Variants in GLB1 observed in about 807,000 individuals in gnomAD.
The protein encoded by GLB1 is beta-galactosidase.
A neutral mutation model predicts 74.0 loss-of-function variants in GLB1; 56 were observed. The ratio of observed to expected loss-of-function variants is 0.76; its 90% CI spans 0.61 to 0.94. The LOEUF (loss-of-function observed/expected upper bound fraction) is 0.94. GLB1 is among the 40% of genes least tolerant of loss of function. The pLI is 0.00. For missense variants in GLB1, 787 were observed against 845.5 expected (o/e 0.93, Z 0.86); for synonymous variants, 323 against 323.6 (o/e 1.00, Z 0.02).
chr3:32,989,029 C>A, the GLB1 span, among the ~76,000 whole-genome samples: 1 of 152,150 alleles, frequency 6.6e-6, no homozygotes, highest in African/African-American at 2.4e-5. Context: ...GCACAGTGAC[C>A]TCTGGTCCAC....
At chr3:33,085,529 C>T (rs1700476913) in intron 1 of GLB1, among the ~76,000 whole-genome samples, 1 of 151,534 alleles carries the variant, frequency 6.6e-6, no homozygotes. Context: ...CTAGCAATAC[C>T]CAAAGACACA....
chr3:33,058,771 G>A (rs1699325023), intron 5 of GLB1, among the ~76,000 whole-genome samples: 1 of 152,082 alleles, frequency 6.6e-6, no homozygotes, highest in Non-Finnish European at 1.5e-5. Context: ...CTCAAAACTG[G>A]CATATTATAT....
chr3:33,006,873 G>T lies in GLB1; in HGVS notation c.1734+7183C>A, dbSNP rs541229392. ...GCCTCTCCTGATGAAGGATGTGGGGGTTAGTGCACAGCCTTAGAAACAGCT... is the reference window on the plus strand; with the variant it reads ...GCCTCTCCTGATGAAGGATGTGGGGTTTAGTGCACAGCCTTAGAAACAGCT... On this transcript the variant is annotated intron_variant, in intron 15 of 15. Transcript: ENST00000307363. Among the ~76,000 whole-genome samples the T allele has an allele frequency of 2.0e-5, 3 of 152,304 alleles. No individual in the cohort carries two copies. In the South Asian group the frequency reaches 6.2e-4, roughly 32 times the overall value.
intron 1 of GLB1, among the ~76,000 whole-genome samples, chr3:33,094,948 C>T (rs1055656426): frequency 2.6e-5 from 4 of 152,108 alleles, no homozygotes; most frequent in Non-Finnish European, 2.9e-5. Context: ...CAGTGGCTGA[C>T]GCCTATAATT....
Position 33,065,477 on chromosome 3 carries a change from C to T in GLB1, c.538G>A (p.Val180Ile), listed in dbSNP as rs1056892693. The change falls in exon 5 of 16, where the codon GTT becomes ATT. Residue 180 changes from valine (V) to isoleucine (I), a missense_variant. Transcript: ENST00000307363. ...TCCAGGGTTACCTGCACTGTTATAA[C>T]TGGCCCTCCATTCTGATAGAGGAGA... ...KPLLYQNGGP[V>I]ITVQVENEYG... 2 of 1,582,656 alleles carry T rather than the reference C, an allele frequency of 1.3e-6. No homozygotes were observed. Among genetic ancestry groups the T allele is most frequent in the African/African-American group, 1.3e-5 (1 of 74,562 alleles).
chr3:33,074,713 A>AC (rs1015353366), intron 1 of GLB1, among the ~76,000 whole-genome samples: 8 of 152,168 alleles, frequency 5.3e-5, no homozygotes, highest in African/African-American at 1.7e-4. Context: ...AAGCCAACTA[A>AC]CTAGTGCTTT....
chr3:33,043,171 A>T (rs760974921), intron 10 of GLB1, among the ~76,000 whole-genome samples: 10 of 152,238 alleles, frequency 6.6e-5, no homozygotes, highest in Non-Finnish European at 1.3e-4. Flanking sequence ...TTAAACTATT[A>T]CAAGACAGCC....
the GLB1 span, among the ~76,000 whole-genome samples, chr3:32,966,919 C>T: frequency 6.6e-6 from 1 of 152,150 alleles, no homozygotes; most frequent in South Asian, 2.1e-4. Context: ...GATTGTGAGG[C>T]CTCCCCAGCC....
intron 1 of GLB1, chr3:33,091,295 C>T (rs1322036698): frequency 4.1e-6 from 4 of 985,364 alleles, no homozygotes; most frequent in Non-Finnish European, 1.2e-6. Context: ...AGGGTGGTCT[C>T]CAGATCCCCC....
the GLB1 span, among the ~76,000 whole-genome samples, chr3:32,981,997 T>C: frequency 2.0e-5 from 3 of 152,170 alleles, no homozygotes; most frequent in Admixed American, 6.5e-5. Flanking sequence ...TTTGTATTAA[T>C]GTGGCTTCTG....
intron 15 of GLB1, among the ~76,000 whole-genome samples, chr3:33,011,429 A>AC (rs1332144012): frequency 6.7e-6 from 1 of 149,836 alleles, no homozygotes; most frequent in African/African-American, 2.5e-5. Context: ...ACATGATGAA[A>AC]CCCCGTCTCC....
At chr3:33,040,211 A>G (rs535703587) in intron 10 of GLB1, among the ~76,000 whole-genome samples, 1 of 152,324 alleles carries the variant, frequency 6.6e-6, no homozygotes, top group South Asian at 2.1e-4. Context: ...CCTCTGATAT[A>G]TTTTGTAGCT....
intron 5 of GLB1, among the ~76,000 whole-genome samples, chr3:33,063,094 G>A (rs974097516): frequency 1.5e-4 from 23 of 152,324 alleles, no homozygotes; most frequent in African/African-American, 5.1e-4. Flanking sequence ...GAAGGAACAC[G>A]TATAGGAACT....
chr3:33,031,674 T>TATATATAA (rs1449068382), intron 10 of GLB1, among the ~76,000 whole-genome samples: 1 of 113,092 alleles, frequency 8.8e-6, no homozygotes, highest in Non-Finnish European at 1.8e-5. Flanking sequence ...TATATATATA[T>TATATATAA]AATCTCCACT....
At chr3:33,091,656 T>G (rs1203000554) in intron 1 of GLB1, 1 of 984,762 alleles carries the variant, frequency 1.0e-6, no homozygotes, top group East Asian at 1.1e-4. Flanking sequence ...TTATCCCCAT[T>G]TTAGGGTTGA....
At chr3:32,985,626 A>T in the GLB1 span, among the ~76,000 whole-genome samples, 1 of 151,876 alleles carries the variant, frequency 6.6e-6, no homozygotes, top group Non-Finnish European at 1.5e-5. Flanking sequence ...CTTTATATAT[A>T]TTTTATTTTA....
In GLB1 at chr3:33,065,517, CAGA is replaced by C. The variant is rs754077128; in HGVS notation, c.495_497del (p.Leu166del). 10 of 1,585,480 alleles carry C rather than the reference CAGA, an allele frequency of 6.3e-6. No individual in the cohort carries two copies. In the East Asian group the frequency reaches 1.8e-4, roughly 29 times the overall value. On this transcript the variant is annotated inframe_deletion, in exon 5 of 16. Coordinates refer to ENST00000307363, the MANE Select transcript of GLB1 (RefSeq NM_000404.4). Reference sequence around the variant, plus strand: ...GATAGAGGAGAGGCTTCATCTTGGGCAGAAGGACTCCCAACCACTTGTCCACAG... The same window carrying C: ...GATAGAGGAGAGGCTTCATCTTGGGCAGGACTCCCAACCACTTGTCCACAG...
rs777282849 is a variant in GLB1, at chr3:33,097,074, G to C, written c.12C>G (p.Phe4Leu). The C allele has an allele frequency of 1.2e-6, 2 of 1,612,596 alleles. No homozygotes were observed. The highest frequency in any genetic ancestry group is 1.7e-6 in the Non-Finnish European group (2 of 1,179,096). The change falls in exon 1 of 16, where the codon TTC becomes TTG. Residue 4 changes from phenylalanine (F) to leucine (L), a missense_variant. Physicochemically the swap from Phe to Leu is conservative, Grantham distance 22. Coordinates refer to ENST00000307363, the MANE Select transcript of GLB1 (RefSeq NM_000404.4). ...GCAACAGAGGGAGGATGCGAACCAG[G>C]AACCCCGGCATGACCACCAGCCTCC... MPGFLVRILPLLLV... is the reference protein window; with the variant it reads MPGLLVRILPLLLV...
chr3:33,032,683 A>G (rs893216056), intron 10 of GLB1, among the ~76,000 whole-genome samples: 4 of 152,168 alleles, frequency 2.6e-5, no homozygotes, highest in African/African-American at 9.7e-5. Context: ...TTGGCCTCCC[A>G]AAGTGCTGGG....
Sources: allele counts gnomAD v4.1 joint callset (sites outside exome capture counted in the v4.1 genomes callset), GRCh38; gene constraint gnomAD v4.1.1; transcripts MANE v1.5; gene names NCBI Gene and HGNC (gene_info 2026-07-23, HGNC 2026-07-21).